Variants in FARS2 observed in about 807,000 individuals in gnomAD.
The protein encoded by FARS2 is phenylalanine--tRNA ligase, mitochondrial.
A neutral mutation model predicts 46.4 loss-of-function variants in FARS2; 40 were observed. The ratio of observed to expected loss-of-function variants is 0.86; its 90% confidence interval spans 0.67 to 1.12. The LOEUF is 1.12. FARS2 is among the 50% of genes most tolerant of loss of function. FARS2 has a pLI of 0.00. For synonymous variants in FARS2, 234 were observed against 214.9 expected (o/e 1.09, Z -0.78); for missense variants, 513 against 567.9 (o/e 0.90, Z 0.98).
At chr6:5,590,847 C>T (rs1215371415) in intron 5 of FARS2, among the ~76,000 whole-genome samples, 1 of 2,342 alleles carries the variant, frequency 4.3e-4, no homozygotes, top group Non-Finnish European at 7.5e-4. Context: ...TTGAAGAATA[C>T]CTACATCTTA....
intron 4 of FARS2, among the ~76,000 whole-genome samples, chr6:5,541,852 A>G (rs1191526466): frequency 6.6e-6 from 1 of 152,206 alleles, no homozygotes; most frequent in Non-Finnish European, 1.5e-5. Context: ...TTATATGCTA[A>G]ACAAGAGGTG....
chr6:5,452,038 A>G (rs1003172480), intron 4 of FARS2: 1 of 152,230 alleles, frequency 6.6e-6, no homozygotes, highest in African/African-American at 2.4e-5. Flanking sequence ...AGGTAGGACC[A>G]TGCTTAATTC....
intron 5 of FARS2, among the ~76,000 whole-genome samples, chr6:5,567,745 A>G (rs11752390): frequency 0.14 from 21,345 of 152,246 alleles, 1,656 homozygotes; most frequent in East Asian, 0.22. Context: ...TCCATCCCCA[A>G]CATCATCTTT....
At chr6:5,571,424 G>A (rs1772638818) in intron 5 of FARS2, among the ~76,000 whole-genome samples, 2 of 152,194 alleles carry the variant, frequency 1.3e-5, no homozygotes, top group South Asian at 4.1e-4. Flanking sequence ...AAAAAAGAAA[G>A]CCTCACCAAC....
At chr6:5,458,267 A>G (rs1765023735) in intron 4 of FARS2, among the ~76,000 whole-genome samples, 1 of 152,198 alleles carries the variant, frequency 6.6e-6, no homozygotes, top group African/African-American at 2.4e-5. Context: ...CTTGGCAGGA[A>G]AGGGGTTTGT....
chr6:5,724,327 GT>G (rs1561822318), intron 6 of FARS2, among the ~76,000 whole-genome samples: 1 of 152,216 alleles, frequency 6.6e-6, no homozygotes, highest in African/African-American at 2.4e-5. Flanking sequence ...TAAGCAGAAT[GT>G]TTGCACACAG....
At chr6:5,267,151 T>C (rs1305569075) in intron 1 of FARS2, among the ~76,000 whole-genome samples, 1 of 62,954 alleles carries the variant, frequency 1.6e-5, no homozygotes, top group East Asian at 4.9e-4. Context: ...TCTAGAGGTT[T>C]TTTTTCTTAA....
chr6:5,658,256 CAAAAA>C, intron 6 of FARS2, among the ~76,000 whole-genome samples: 1 of 135,496 alleles, frequency 7.4e-6, no homozygotes, highest in East Asian at 2.2e-4. Flanking sequence ...AACTCTGTCT[CAAAAA>C]AAAAAAAAAA....
At chr6:5,591,479 A>G (rs1773915725) in intron 5 of FARS2, among the ~76,000 whole-genome samples, 1 of 152,180 alleles carries the variant, frequency 6.6e-6, no homozygotes, top group Non-Finnish European at 1.5e-5. Flanking sequence ...TGCTCTCACG[A>G]GGTTTGCCTC....
intron 4 of FARS2, among the ~76,000 whole-genome samples, chr6:5,460,886 G>A (rs76756708): frequency 0.011 from 1,637 of 152,250 alleles, 45 homozygotes; most frequent in East Asian, 0.094. Context: ...GTTTAGCTTT[G>A]TGGATTCTGT....
intron 5 of FARS2, among the ~76,000 whole-genome samples, chr6:5,608,894 A>AT (rs2150661083): frequency 6.6e-6 from 1 of 152,006 alleles, no homozygotes; most frequent in Non-Finnish European, 1.5e-5. Context: ...GCACATTAAA[A>AT]AAAAAAGACA....
chr6:5,671,547 C>T (rs1410020204), intron 6 of FARS2, among the ~76,000 whole-genome samples: 2 of 152,176 alleles, frequency 1.3e-5, no homozygotes, highest in Non-Finnish European at 2.9e-5. Context: ...TGAGGCTCCC[C>T]CTTCTCGTGC....
chr6:5,399,915 C>A lies in FARS2; in HGVS notation c.613-4627C>A, dbSNP rs190222075. Reference sequence around the variant, plus strand: ...TAAAAAAATATGGTGCAGTTACAAACAATACTACAATGAAAATTTTGTGCA... The same window carrying A: ...TAAAAAAATATGGTGCAGTTACAAAAAATACTACAATGAAAATTTTGTGCA... On this transcript the variant is annotated intron_variant, in intron 2 of 6. Coordinates refer to ENST00000274680, the MANE Select transcript of FARS2 (RefSeq NM_006567.5). 2.2e-3 allele frequency among the ~76,000 whole-genome samples: 330 copies of A among 152,130 alleles called. 1 individual carries two copies. The highest frequency in any genetic ancestry group is 7.5e-3 in the African/African-American group (313 of 41,534).
rs528447220 is a variant in FARS2, at chr6:5,423,196, C to T, written c.773-7845C>T. 2.0e-5 allele frequency among the ~76,000 whole-genome samples: 3 copies of T among 151,940 alleles called. No individual in the cohort carries two copies. The South Asian group carries it at 6.2e-4, about 32-fold the overall frequency. Reference sequence around the variant, plus strand: ...TCGAGAACAGGTTGACGAGGAGGATCGAGGACCAAAGGGCTGTGCTGTGGC... The same window carrying T: ...TCGAGAACAGGTTGACGAGGAGGATTGAGGACCAAAGGGCTGTGCTGTGGC... On this transcript the variant is annotated intron_variant, in intron 3 of 6. Transcript: ENST00000274680.
chr6:5,475,602 A>G (rs1766075539), intron 4 of FARS2, among the ~76,000 whole-genome samples: 1 of 152,156 alleles, frequency 6.6e-6, no homozygotes, highest in Admixed American at 6.5e-5. Flanking sequence ...AAGGCTCTGC[A>G]TCATGGGCAC....
intron 1 of FARS2, among the ~76,000 whole-genome samples, chr6:5,296,000 C>T (rs1473145559): frequency 7.9e-5 from 12 of 152,040 alleles, no homozygotes; most frequent in African/African-American, 4.8e-5. Context: ...GTGCCAGGCG[C>T]ATGCTAAACA....
intron 1 of FARS2, among the ~76,000 whole-genome samples, chr6:5,277,204 G>T (rs1203693782): frequency 8.2e-4 from 117 of 143,416 alleles, no homozygotes; most frequent in African/African-American, 1.3e-3. Flanking sequence ...TCACAGTTTT[G>T]TTTTTTTTTT....
At chr6:5,510,054 G>A (rs1055715209) in intron 4 of FARS2, among the ~76,000 whole-genome samples, 7 of 152,166 alleles carry the variant, frequency 4.6e-5, no homozygotes, top group Admixed American at 4.6e-4. Flanking sequence ...CTGGATAGAT[G>A]GCAAGAAGGC....
chr6:5,610,602 G>T (rs181556740), intron 5 of FARS2, among the ~76,000 whole-genome samples: 64 of 152,238 alleles, frequency 4.2e-4, no homozygotes, highest in African/African-American at 1.5e-3. Context: ...GAGGATTTTG[G>T]TAGCTGTGGG....
Sources: allele counts gnomAD v4.1 joint callset (sites outside exome capture counted in the v4.1 genomes callset), GRCh38; gene constraint gnomAD v4.1.1; transcripts MANE v1.5; gene names NCBI Gene and HGNC (gene_info 2026-07-23, HGNC 2026-07-21).